MBTPS1: variants seen among roughly 807,000 people sequenced by gnomAD.
The protein encoded by MBTPS1 is membrane bound transcription factor peptidase, site 1.
In MBTPS1, 94 loss-of-function variants were observed where a neutral mutation model predicts 127.8. That is an observed-to-expected ratio of 0.74 (90% CI 0.62 to 0.87). The LOEUF is 0.87. Among genes scored for constraint, MBTPS1 ranks in the 40% least tolerant of loss-of-function variants. The probability of loss-of-function intolerance (pLI) is 0.00; values close to 1 mark genes in which losing one functional copy is unlikely to be tolerated. For missense variants in MBTPS1, 1,636 were observed against 1,353.2 expected (o/e 1.21, Z -3.28); for synonymous variants, 632 against 509.4 (o/e 1.24, Z -3.24).
intron 2 of MBTPS1, among the ~76,000 whole-genome samples, chr16:84,100,999 C>CAAAAAAA (rs562200642): frequency 1.5e-5 from 1 of 68,566 alleles, no homozygotes; most frequent in African/African-American, 5.6e-5. Context: ...ACTAAAAATA[C>CAAAAAAA]AAAAAAAAAA....
At chr16:84,111,152 T>A (rs939495154) in intron 1 of MBTPS1, among the ~76,000 whole-genome samples, 5 of 152,176 alleles carry the variant, frequency 3.3e-5, no homozygotes, top group Non-Finnish European at 5.9e-5. Flanking sequence ...TGAGACAGTA[T>A]CCTCGGTGAT....
chr16:84,103,919 T>C (rs942640275), intron 1 of MBTPS1, among the ~76,000 whole-genome samples: 8 of 152,132 alleles, frequency 5.3e-5, no homozygotes, highest in Admixed American at 5.2e-4. Flanking sequence ...ACAATAACAA[T>C]GCCAACTGCA....
chr16:84,114,374 A>T (rs2086440744), intron 1 of MBTPS1, among the ~76,000 whole-genome samples: 1 of 152,138 alleles, frequency 6.6e-6, no homozygotes, highest in Non-Finnish European at 1.5e-5. Context: ...CCAATGTATC[A>T]CTACAGTCAA....
intron 16 of MBTPS1, 91 bp downstream of exon 16, chr16:84,067,576 A>ATCCAGTTGG: frequency 9.3e-7 from 1 of 1,077,094 alleles, no homozygotes; most frequent in Non-Finnish European, 1.4e-6. Context: ...TGGAAAGACC[A>ATCCAGTTGG]CCAACAGGTC....
At chr16:84,091,954 ATTTT>A (rs200167434) in intron 6 of MBTPS1, 106 bp from the exon 7 acceptor site, 1 of 689,518 alleles carries the variant, frequency 1.5e-6, no homozygotes, top group South Asian at 1.7e-5. Context: ...AGTTCTCTTA[ATTTT>A]TTTTTACTTA....
intron 12 of MBTPS1, among the ~76,000 whole-genome samples, chr16:84,073,250 C>T (rs939234217): frequency 1.3e-5 from 2 of 152,188 alleles, no homozygotes; most frequent in African/African-American, 2.4e-5. Flanking sequence ...TCTCCTGCTT[C>T]AGCCTCCCGA....
At chr16:84,085,329 G>C (rs184167901) in intron 9 of MBTPS1, among the ~76,000 whole-genome samples, 195 bp from the exon 10 acceptor site, 1 of 152,184 alleles carries the variant, frequency 6.6e-6, no homozygotes, top group East Asian at 1.9e-4. Context: ...CACTCTGGGA[G>C]GCCGAGGCAG....
At chr16:84,099,455 G>A (rs1208637654) in intron 2 of MBTPS1, 145 bp from the exon 3 acceptor site, 23 of 816,388 alleles carry the variant, frequency 2.8e-5, no homozygotes, top group African/African-American at 5.2e-5. Context: ...ACTAGTTTAA[G>A]TACCTAGACA....
chr16:84,057,008 A>G (rs1486008418), intron 21 of MBTPS1: 1 of 152,242 alleles, frequency 6.6e-6, no homozygotes, highest in South Asian at 2.1e-4. Context: ...TTATTTATTC[A>G]TTTGGAAACT....
rs1054484241 is a variant in MBTPS1 at position 84,091,755 on chromosome 16, T to C, written c.940A>G (p.Met314Val). ...LNLSIGGPDFMDHPFVDKVWE... is the reference protein window; with the variant it reads ...LNLSIGGPDFVDHPFVDKVWE... Reference sequence around the variant, plus strand: ...ACCTTGTCAACAAACGGATGATCCATGAAGTCCGGGCCGCCGATGCTGAGG... The same window carrying C: ...ACCTTGTCAACAAACGGATGATCCACGAAGTCCGGGCCGCCGATGCTGAGG... The change falls in exon 7 of 23, where the codon ATG becomes GTG. Residue 314 changes from methionine (M) to valine (V), a missense_variant. Met to Val is a conservative substitution (Grantham distance 21). Coordinates refer to ENST00000343411, the MANE Select transcript of MBTPS1 (RefSeq NM_003791.4). 1 of 1,613,888 alleles carries C rather than the reference T, an allele frequency of 6.2e-7. No individual in the cohort carries two copies. Among genetic ancestry groups the C allele is most frequent in the Non-Finnish European group, 8.5e-7 (1 of 1,179,808 alleles).
At position 84,070,598 on chromosome 16, in the gene MBTPS1, G is replaced by T; in HGVS notation, c.1772C>A (p.Ala591Glu). The change falls in exon 13 of 23, where the codon GCA becomes GAA. Residue 591 changes from alanine to glutamate, a missense_variant. Physicochemically the swap from Ala to Glu is moderately radical, Grantham distance 107. Transcript: ENST00000343411. Reference protein sequence around the residue: ...GHVMITVASPAETESKNGAEQ... With the variant: ...GHVMITVASPEETESKNGAEQ... The stretch of plus-strand genomic sequence containing the variant: ...CCCGCATATCCCTACCTCTGTCTCT[G>T]CTGGGGAAGCCACAGTGATCATGAC... The T allele has an allele frequency of 1.2e-6, 2 of 1,612,010 alleles. No homozygotes were observed. Among genetic ancestry groups the T allele is most frequent in the Admixed American group, 3.3e-5 (2 of 59,778 alleles).
intron 13 of MBTPS1, among the ~76,000 whole-genome samples, chr16:84,070,254 T>G (rs529501925): frequency 1.3e-5 from 2 of 152,352 alleles, no homozygotes; most frequent in South Asian, 4.1e-4. Flanking sequence ...ATTCTATCAA[T>G]AAAAACTACT....
chr16:84,111,531 A>C (rs1371391983), intron 1 of MBTPS1, among the ~76,000 whole-genome samples: 1 of 145,984 alleles, frequency 6.9e-6, no homozygotes, highest in Admixed American at 7.0e-5. Flanking sequence ...ACAGAGAGAG[A>C]CTCCATCTCA....
In MBTPS1 at chr16:84,093,280, A is replaced by G; in HGVS notation, c.754T>C (p.Phe252Leu). 6.2e-7 allele frequency: 1 copy of G among 1,613,250 alleles called. No individual in the cohort carries two copies. Among genetic ancestry groups the G allele is most frequent in the Non-Finnish European group, 8.5e-7 (1 of 1,179,172 alleles). ...TLDDGLGHGT[F>L]VAGVIASMRE... ...ATGCTGGCTATCACACCTGCCACGAATGTGCCATGGCCCAACCCTGCAGTC... is the reference window on the plus strand; with the variant it reads ...ATGCTGGCTATCACACCTGCCACGAGTGTGCCATGGCCCAACCCTGCAGTC... The change falls in exon 6 of 23, where the codon TTC becomes CTC. Residue 252 changes from phenylalanine (F) to leucine (L), a missense_variant. Transcript: ENST00000343411.
At chr16:84,108,873 G>T (rs2086360871) in intron 1 of MBTPS1, among the ~76,000 whole-genome samples, 1 of 152,176 alleles carries the variant, frequency 6.6e-6, no homozygotes, top group Non-Finnish European at 1.5e-5. Context: ...AGAGAAGAAA[G>T]TTAGAAATAT....
At chr16:84,083,997 T>A (rs1253883808) in intron 10 of MBTPS1, among the ~76,000 whole-genome samples, 1 of 152,200 alleles carries the variant, frequency 6.6e-6, no homozygotes, top group Non-Finnish European at 1.5e-5. Context: ...TGTTGCTCTG[T>A]CACCCAGGCT....
intron 1 of MBTPS1, among the ~76,000 whole-genome samples, chr16:84,111,209 A>C (rs35892444): frequency 0.2 from 30,572 of 152,034 alleles, 4,108 homozygotes; most frequent in African/African-American, 0.38. Context: ...AGAGAGAGGC[A>C]GGAGATGACA....
chr16:84,109,714 G>A (rs1159613688), intron 1 of MBTPS1: 1 of 152,200 alleles, frequency 6.6e-6, no homozygotes. Context: ...GCCCCAGATT[G>A]AAGGAGACTC....
At chr16:84,076,415 T>C (rs1037003719) in intron 11 of MBTPS1, among the ~76,000 whole-genome samples, 13 of 152,188 alleles carry the variant, frequency 8.5e-5, no homozygotes, top group African/African-American at 2.9e-4. Context: ...CCCCTGCTGT[T>C]CAACACTGTG....
Sources: allele counts gnomAD v4.1 joint callset (sites outside exome capture counted in the v4.1 genomes callset), GRCh38; gene constraint gnomAD v4.1.1; transcripts MANE v1.5; gene names NCBI Gene and HGNC (gene_info 2026-07-23, HGNC 2026-07-21).